Variants in MPP7 observed in about 807,000 individuals in gnomAD.
MPP7 encodes the protein MAGUK p55 subfamily member 7.
In MPP7, 60 loss-of-function variants were observed where a neutral mutation model predicts 76.5. That is an observed-to-expected ratio of 0.78 (90% CI 0.64 to 0.97). The LOEUF (loss-of-function observed/expected upper bound fraction) is 0.97, where lower values mean the gene tolerates loss of function less well. Among genes scored for constraint, MPP7 ranks in the 50% least tolerant of loss-of-function variants. MPP7 has a pLI of 0.00. For missense variants in MPP7, 641 were observed against 694.0 expected (o/e 0.92, Z 0.86); for synonymous variants, 237 against 244.5 (o/e 0.97, Z 0.29).
At chr10:28,215,155 A>G (rs1047501052) in intron 2 of MPP7, among the ~76,000 whole-genome samples, 1 of 152,160 alleles carries the variant, frequency 6.6e-6, no homozygotes, top group African/African-American at 2.4e-5. Context: ...TCTTTAAATT[A>G]TCTTTAAAAA....
At chr10:28,155,368 T>C (rs1202397253) in intron 3 of MPP7, among the ~76,000 whole-genome samples, 1 of 152,136 alleles carries the variant, frequency 6.6e-6, no homozygotes, top group East Asian at 1.9e-4. Flanking sequence ...GGCAGGCAGA[T>C]TGCTTGAGCC....
chr10:28,265,380 G>A (rs1032946234), intron 1 of MPP7, among the ~76,000 whole-genome samples: 11 of 152,074 alleles, frequency 7.2e-5, no homozygotes, highest in Middle Eastern at 3.2e-3. Context: ...GGAACTTGGC[G>A]AAACCCCATC....
At chr10:28,150,642 C>T (rs1171827006) in intron 3 of MPP7, among the ~76,000 whole-genome samples, 1 of 152,054 alleles carries the variant, frequency 6.6e-6, no homozygotes, top group Non-Finnish European at 1.5e-5. Context: ...AACTTTCCCC[C>T]TCAACTTCAA....
At chr10:28,141,989 A>G (rs559497360) in intron 5 of MPP7, among the ~76,000 whole-genome samples, 110 of 152,212 alleles carry the variant, frequency 7.2e-4, no homozygotes, top group Non-Finnish European at 1.2e-3. Flanking sequence ...AAAAAAAACT[A>G]GAACCACATC....
At chr10:28,262,253 A>G (rs1588999253) in intron 1 of MPP7, among the ~76,000 whole-genome samples, 1 of 54,710 alleles carries the variant, frequency 1.8e-5, no homozygotes, top group African/African-American at 1.0e-4. Flanking sequence ...ACATATATAT[A>G]TATATGTATA....
chr10:28,125,335 T>C lies in MPP7; in HGVS notation c.448-244A>G, dbSNP rs369677277. On this transcript the variant is annotated intron_variant, in intron 6 of 16. Transcript: ENST00000683449. The stretch of plus-strand genomic sequence containing the variant: ...CAGCCCAATTTAAGGATTTTTGAAA[T>C]CTTCAACCTCTTCAAAACTGTGTAA... 1.1e-4 allele frequency among the ~76,000 whole-genome samples: 16 copies of C among 152,282 alleles called. No homozygotes were observed. In the East Asian group the frequency reaches 3.1e-3, roughly 29 times the overall value.
At chr10:28,098,157 A>G (rs1306434395) in intron 11 of MPP7, among the ~76,000 whole-genome samples, 1 of 152,110 alleles carries the variant, frequency 6.6e-6, no homozygotes, top group African/African-American at 2.4e-5. Flanking sequence ...TGTTAGCAAT[A>G]TTTTTTAACA....
intron 11 of MPP7, among the ~76,000 whole-genome samples, chr10:28,092,592 A>G (rs1853364163): frequency 1.5e-5 from 1 of 66,188 alleles, no homozygotes; most frequent in Admixed American, 2.0e-4. Flanking sequence ...TTTTTTTTTG[A>G]GACAGGGACT....
At chr10:28,164,227 C>G (rs756710169) in intron 3 of MPP7, among the ~76,000 whole-genome samples, 3 of 152,040 alleles carry the variant, frequency 2.0e-5, no homozygotes, top group Non-Finnish European at 4.4e-5. Context: ...AGAAGGGAAG[C>G]AGGGTGGAGG....
At chr10:28,234,370 G>C (rs1838997151) in intron 2 of MPP7, among the ~76,000 whole-genome samples, 1 of 151,996 alleles carries the variant, frequency 6.6e-6, no homozygotes, top group African/African-American at 2.4e-5. Flanking sequence ...TTAATAAATG[G>C]GAGAGAAAAG....
chr10:28,238,122 CA>C (rs1412132287), intron 2 of MPP7, among the ~76,000 whole-genome samples: 5 of 151,040 alleles, frequency 3.3e-5, no homozygotes, highest in Admixed American at 3.3e-4. Context: ...CCTCTGGTGA[CA>C]GACAGAAAAC....
chr10:28,168,476 C>T (rs1836563963), intron 3 of MPP7, among the ~76,000 whole-genome samples: 1 of 151,986 alleles, frequency 6.6e-6, no homozygotes. Flanking sequence ...AAAATTTTCA[C>T]ACCAATTTTT....
chr10:28,052,664 C>T lies in MPP7; in HGVS notation c.*1401G>A, dbSNP rs1851402196. The T allele has an allele frequency of 2.0e-5, 3 of 152,106 alleles. No homozygotes were observed. Among genetic ancestry groups the T allele is most frequent in the African/African-American group, 2.4e-5 (1 of 41,280 alleles). 9.4% of individuals were successfully genotyped at this position (152,106 alleles called of 1,614,324 possible). The stretch of plus-strand genomic sequence containing the variant: ...AATCAGTTTATTTTATGAATAGCCC[C>T]GTTTGATATTTAAAAAAATATGCCT... On this transcript the variant is annotated 3_prime_UTR_variant, in exon 17 of 17. Coordinates refer to ENST00000683449, the MANE Select transcript of MPP7 (RefSeq NM_001318170.2).
At chr10:28,055,088 G>A (rs1344656239) in intron 16 of MPP7, among the ~76,000 whole-genome samples, 1 of 152,196 alleles carries the variant, frequency 6.6e-6, no homozygotes, top group Non-Finnish European at 1.5e-5. Context: ...AAATGTAAGA[G>A]AGCCAAATCC....
chr10:28,240,455 C>T (rs1839230444), intron 1 of MPP7, among the ~76,000 whole-genome samples: 1 of 152,080 alleles, frequency 6.6e-6, no homozygotes, highest in South Asian at 2.1e-4. Context: ...TTAGACCAGA[C>T]TATCTGCTGT....
chr10:28,237,513 A>G (rs1839116865), intron 2 of MPP7, among the ~76,000 whole-genome samples: 1 of 152,242 alleles, frequency 6.6e-6, no homozygotes, highest in Non-Finnish European at 1.5e-5. Context: ...AACTTGCCAA[A>G]ATATAACTAT....
intron 2 of MPP7, among the ~76,000 whole-genome samples, chr10:28,322,919 C>T (rs917288535): frequency 6.6e-6 from 1 of 152,022 alleles, no homozygotes; most frequent in Non-Finnish European, 1.5e-5. Flanking sequence ...TCTGGGAGGT[C>T]GAGACAGGCA....
chr10:28,092,575 A>C (rs1310629031), intron 11 of MPP7, among the ~76,000 whole-genome samples: 4 of 98,258 alleles, frequency 4.1e-5, no homozygotes, highest in East Asian at 1.8e-3. Flanking sequence ...CAGAAAAGGG[A>C]CCTTTTTTTT....
intron 2 of MPP7, among the ~76,000 whole-genome samples, chr10:28,226,946 T>C (rs1197480631): frequency 6.6e-6 from 1 of 152,188 alleles, no homozygotes; most frequent in African/African-American, 2.4e-5. Context: ...TTATGTATGC[T>C]TGCTAGCAGG....
Sources: allele counts gnomAD v4.1 joint callset (sites outside exome capture counted in the v4.1 genomes callset), GRCh38; gene constraint gnomAD v4.1.1; transcripts MANE v1.5; gene names NCBI Gene and HGNC (gene_info 2026-07-23, HGNC 2026-07-21).